SLCO2A1: variants seen among roughly 807,000 people sequenced by gnomAD.
The protein encoded by SLCO2A1 is matrin F/G 1.
In SLCO2A1, 60 loss-of-function variants were observed where a neutral mutation model predicts 71.7. The observed-to-expected ratio is 0.84, with a 90% CI of 0.68 to 1.04. The LOEUF is 1.04. Among genes scored for constraint, SLCO2A1 ranks in the 50% least tolerant of loss-of-function variants. The probability of loss-of-function intolerance (pLI) is 0.00; values close to 1 mark genes in which losing one functional copy is unlikely to be tolerated. For synonymous variants in SLCO2A1, 308 were observed against 326.7 expected (o/e 0.94, Z 0.62); for missense variants, 745 against 813.4 (o/e 0.92, Z 1.02).
At chr3:133,940,732 T>A (rs1264455111) in intron 11 of SLCO2A1, among the ~76,000 whole-genome samples, 1 of 151,958 alleles carries the variant, frequency 6.6e-6, no homozygotes, top group African/African-American at 2.4e-5. Context: ...GAGAAGGGGG[T>A]GACAGTGGTG....
At position 133,949,076 on chromosome 3, in the gene SLCO2A1, G is replaced by A. The variant is rs1013879646; in HGVS notation, c.862-105C>T. 3.2e-6 allele frequency: 3 copies of A among 936,754 alleles called. No individual in the cohort carries two copies. In the African/African-American group the frequency reaches 4.9e-5, roughly 15 times the overall value. The allele number at this position is 936,754 out of a possible 1,614,324, so 58.0% of individuals were successfully genotyped here. On this transcript the variant is annotated intron_variant, in intron 6 of 13. Transcript: ENST00000310926. Reference sequence around the variant, plus strand: ...CTCAGAAGCTCAGGGCTGGGTGGAGGTGAGCCCCCTCCAGGCGTGTGTGCA... The same window carrying A: ...CTCAGAAGCTCAGGGCTGGGTGGAGATGAGCCCCCTCCAGGCGTGTGTGCA...
chr3:133,938,483 G>C lies in SLCO2A1; in HGVS notation c.1636C>G (p.Gln546Glu), dbSNP rs1933330775. ...LYMMVLRVVN[Q>E]EEKSFAIGVQ... is the part of the protein sequence containing the mutation. ...CCGATGGCAAATGACTTTTCCTCCT[G>C]GTTCACCACACTGAAAAGACAGACA... Residue 546 changes from glutamine to glutamate, a missense_variant, in exon 12 of 14, where the codon CAG (glutamine) becomes GAG (glutamate). Coordinates refer to ENST00000310926, the MANE Select transcript of SLCO2A1 (RefSeq NM_005630.3). 1 of 1,613,934 alleles carries C rather than the reference G, an allele frequency of 6.2e-7. No individual in the cohort carries two copies. Among genetic ancestry groups the C allele is most frequent in the African/African-American group, 1.3e-5 (1 of 74,918 alleles).
In SLCO2A1 at chr3:133,987,492, A is replaced by G. The variant is rs533993816; in HGVS notation, c.97-7874T>C. Among the ~76,000 whole-genome samples, 7 of 152,092 alleles carry G rather than the reference A, an allele frequency of 4.6e-5. No homozygotes were observed. The South Asian group carries it at 1.5e-3, about 32-fold the overall frequency. ...CAATCAGAAAATTTTAAATCTACCT[A>G]TAAACTGGAAGTCCTCCCCCCACCC... On this transcript the variant is annotated intron_variant, in intron 1 of 13. Transcript: ENST00000310926.
Position 133,947,336 on chromosome 3 carries a change from G to A in SLCO2A1, c.1215C>T (p.Ile405=), listed in dbSNP as rs1933610142. ...GAACACAAAGGATCATGGAGATGGT[G>A]ATGATGGTGGTAGCTATGCGGGGAA... ...QAIPRIATTI[I]TISMILCVPL... is the part of the protein sequence containing the mutation. The change falls in exon 9 of 14, where the codon ATC becomes ATT. Residue 405 remains isoleucine (I), a synonymous_variant. Coordinates refer to ENST00000310926, the MANE Select transcript of SLCO2A1 (RefSeq NM_005630.3). The A allele has an allele frequency of 1.2e-6, 2 of 1,614,172 alleles. No homozygotes were observed. Among genetic ancestry groups the A allele is most frequent in the African/African-American group, 2.7e-5 (2 of 75,026 alleles).
At chr3:133,940,729 G>T (rs1362352619) in intron 11 of SLCO2A1, among the ~76,000 whole-genome samples, 2 of 152,182 alleles carry the variant, frequency 1.3e-5, no homozygotes, top group East Asian at 3.9e-4. Context: ...GTAGAGAAGG[G>T]GGTGACAGTG....
intron 1 of SLCO2A1, 128 bp downstream of exon 1, chr3:134,029,579 C>G: frequency 1.5e-6 from 1 of 652,586 alleles, no homozygotes. Flanking sequence ...GGGATGAGAT[C>G]GGAGCGCGGC....
At chr3:133,950,078 C>T (rs1238634438) in intron 6 of SLCO2A1, among the ~76,000 whole-genome samples, 2 of 152,048 alleles carry the variant, frequency 1.3e-5, no homozygotes, top group African/African-American at 4.8e-5. Context: ...TCCCTACCCA[C>T]CAATCTCAAC....
In SLCO2A1 at chr3:133,935,204, CT is replaced by C. The variant is rs556736322; in HGVS notation, c.1815-375del. Among the ~76,000 whole-genome samples, 73 of 152,344 alleles carry C rather than the reference CT, an allele frequency of 4.8e-4. 1 individual carries two copies. In the South Asian group the frequency reaches 0.011, roughly 23 times the overall value. On this transcript the variant is annotated intron_variant, in intron 13 of 13. Coordinates refer to ENST00000310926, the MANE Select transcript of SLCO2A1 (RefSeq NM_005630.3). ...GTCCCTTTTGTGGTCTTCTCTGCCA[CT>C]CCCATACCATTTCCAGCCCCTGCCC...
At chr3:134,022,628 A>T in intron 1 of SLCO2A1, among the ~76,000 whole-genome samples, 1 of 152,182 alleles carries the variant, frequency 6.6e-6, no homozygotes, top group East Asian at 1.9e-4. Context: ...GAGTCTATAA[A>T]ATCTTACCTT....
At chr3:133,981,318 G>T (rs1021779494) in intron 1 of SLCO2A1, among the ~76,000 whole-genome samples, 7 of 152,214 alleles carry the variant, frequency 4.6e-5, no homozygotes, top group Non-Finnish European at 8.8e-5. Context: ...GGCATCTGAG[G>T]TCAAATTGCC....
chr3:133,967,550 G>A (rs762932727), intron 3 of SLCO2A1, among the ~76,000 whole-genome samples: 3 of 152,150 alleles, frequency 2.0e-5, no homozygotes, highest in Non-Finnish European at 4.4e-5. Context: ...ATCTCATTAA[G>A]TTTTGTTCTG....
At chr3:133,981,292 G>T (rs1038361012) in intron 1 of SLCO2A1, among the ~76,000 whole-genome samples, 1 of 152,146 alleles carries the variant, frequency 6.6e-6, no homozygotes. Context: ...ATGGTCAGAG[G>T]AGGAGAATCT....
At chr3:134,020,598 T>A (rs138189385) in intron 1 of SLCO2A1, among the ~76,000 whole-genome samples, 240 of 152,374 alleles carry the variant, frequency 1.6e-3, no homozygotes, top group Middle Eastern at 6.8e-3. Flanking sequence ...TAAAACTTAG[T>A]AAGACTAGTC....
chr3:134,006,455 C>T (rs1281751127), intron 1 of SLCO2A1, among the ~76,000 whole-genome samples: 2 of 152,116 alleles, frequency 1.3e-5, no homozygotes, highest in Admixed American at 1.3e-4. Flanking sequence ...GACTCTATAC[C>T]CCTTGAACAA....
chr3:133,958,918 C>T (rs953548306), intron 3 of SLCO2A1, among the ~76,000 whole-genome samples: 1 of 152,224 alleles, frequency 6.6e-6, no homozygotes, highest in Non-Finnish European at 1.5e-5. Context: ...GTGACAGTGG[C>T]TCTCTGTGGC....
chr3:134,013,239 C>A (rs192501074), intron 1 of SLCO2A1, among the ~76,000 whole-genome samples: 5 of 152,328 alleles, frequency 3.3e-5, no homozygotes, highest in Admixed American at 2.6e-4. Flanking sequence ...CTCCCAGACA[C>A]ATACCCCAAA....
chr3:134,020,029 C>T (rs939297418), intron 1 of SLCO2A1, among the ~76,000 whole-genome samples: 10 of 152,094 alleles, frequency 6.6e-5, no homozygotes, highest in African/African-American at 9.7e-5. Context: ...CTGACCTAAT[C>T]GGTTATGTTA....
Position 133,955,128 on chromosome 3 carries a change from A to G in SLCO2A1, c.463T>C (p.Cys155Arg). ...KHWQDLPPSK[C>R]HSTTQNPQKE... ...TGGGGGTTCTGGGTGGTGCTGTGGCACTTACTGGGAGGCAGGTCCTGCCAA... is the reference window on the plus strand; with the variant it reads ...TGGGGGTTCTGGGTGGTGCTGTGGCGCTTACTGGGAGGCAGGTCCTGCCAA... The change falls in exon 4 of 14, where the codon TGC (cysteine) becomes CGC (arginine). Residue 155 changes from cysteine to arginine, a missense_variant. Physicochemically the swap from Cys to Arg is radical, Grantham distance 180. Coordinates refer to ENST00000310926, the MANE Select transcript of SLCO2A1 (RefSeq NM_005630.3). 1 of 1,614,046 alleles carries G rather than the reference A, an allele frequency of 6.2e-7. No individual in the cohort carries two copies. The highest frequency in any genetic ancestry group is 8.5e-7 in the Non-Finnish European group (1 of 1,179,986).
At chr3:133,981,412 T>C (rs1934585558) in intron 1 of SLCO2A1, among the ~76,000 whole-genome samples, 1 of 152,188 alleles carries the variant, frequency 6.6e-6, no homozygotes, top group South Asian at 2.1e-4. Context: ...TTTTCCCAAC[T>C]GCAAGGTAAC....
Sources: allele counts gnomAD v4.1 joint callset (sites outside exome capture counted in the v4.1 genomes callset), GRCh38; gene constraint gnomAD v4.1.1; transcripts MANE v1.5; gene names NCBI Gene and HGNC (gene_info 2026-07-23, HGNC 2026-07-21).